Variants in SLC28A1 observed in about 807,000 individuals in gnomAD.
SLC28A1 encodes the protein sodium/nucleoside cotransporter 1.
Under a neutral mutation model 74.8 loss-of-function variants are expected in SLC28A1, and 64 were observed. That is an observed-to-expected ratio of 0.86 (90% confidence interval 0.70 to 1.05). SLC28A1 has a LOEUF of 1.05. Ranked by LOEUF, SLC28A1 falls within the 50% of genes least tolerant of loss-of-function variation. The probability of loss-of-function intolerance (pLI) is 0.00; values close to 1 mark genes in which losing one functional copy is unlikely to be tolerated. For synonymous variants in SLC28A1, 359 were observed against 335.0 expected, an observed-to-expected ratio of 1.07 and a Z score of -0.78; for missense variants, 828 against 822.8, an observed-to-expected ratio of 1.01 and a Z score of -0.08.
the SLC28A1 span, among the ~76,000 whole-genome samples, chr15:84,963,247 C>T: frequency 2.6e-5 from 4 of 152,196 alleles, no homozygotes; most frequent in African/African-American, 9.6e-5. Context: ...ACACCCCTTA[C>T]TCTCATGCTC....
At chr15:84,971,810 C>T in the SLC28A1 span, among the ~76,000 whole-genome samples, 8 of 152,084 alleles carry the variant, frequency 5.3e-5, no homozygotes, top group Non-Finnish European at 7.4e-5. Flanking sequence ...CCTCCATACC[C>T]GGCTAATTTT....
At chr15:84,903,661 A>G (rs1298505050) in intron 6 of SLC28A1, among the ~76,000 whole-genome samples, 2 of 152,142 alleles carry the variant, frequency 1.3e-5, no homozygotes, top group African/African-American at 4.8e-5. Flanking sequence ...GGCATTTTGC[A>G]GTCATGGCTG....
At chr15:84,888,201 T>C (rs1302247072) in intron 3 of SLC28A1, among the ~76,000 whole-genome samples, 4 of 149,508 alleles carry the variant, frequency 2.7e-5, no homozygotes, top group African/African-American at 9.9e-5. Context: ...GGGAGGGGGG[T>C]CTCTAAGGAA....
chr15:84,887,417 C>T (rs117178003), intron 2 of SLC28A1: 11,358 of 984,126 alleles, frequency 0.012, 80 homozygotes, highest in Non-Finnish European at 0.012. Flanking sequence ...GGGGTGGTGG[C>T]GCACGCCTGT....
At chr15:84,970,453 A>G in the SLC28A1 span, among the ~76,000 whole-genome samples, 1,594 of 152,296 alleles carry the variant, frequency 0.01, 26 homozygotes, top group African/African-American at 0.036. Flanking sequence ...TATACAGGAC[A>G]GGAAGAAAAG....
intron 13 of SLC28A1, 150 bp downstream of exon 13, chr15:84,933,425 T>G (rs1277330275): frequency 6.7e-6 from 6 of 902,134 alleles, no homozygotes; most frequent in Non-Finnish European, 8.6e-6. Flanking sequence ...CTTCATTTGC[T>G]GTCTTAGTCC....
At chr15:84,953,967 G>A in the SLC28A1 span, among the ~76,000 whole-genome samples, 4,286 of 152,228 alleles carry the variant, frequency 0.028, 318 homozygotes, top group Admixed American at 0.17. Flanking sequence ...TCTGCCTACC[G>A]CTGAGTTCCT....
chr15:84,960,217 G>GTGCC, the SLC28A1 span, among the ~76,000 whole-genome samples: 1 of 127,664 alleles, frequency 7.8e-6, no homozygotes, highest in East Asian at 2.4e-4. Flanking sequence ...CCACTCCCCT[G>GTGCC]TGCCTGCCTG....
chr15:84,924,897 A>ATTTTTTT (rs756910084), intron 12 of SLC28A1, among the ~76,000 whole-genome samples: 7 of 139,788 alleles, frequency 5.0e-5, no homozygotes, highest in South Asian at 2.4e-4. Context: ...TTTTTTATTA[A>ATTTTTTT]TTTTTTTTGT....
At chr15:84,905,459 C>G in intron 7 of SLC28A1, 80 bp from the exon 8 acceptor site, 1 of 962,344 alleles carries the variant, frequency 1.0e-6, no homozygotes, top group South Asian at 1.3e-5. Context: ...CAGGGCAATG[C>G]CCCCTGCTCT....
intron 6 of SLC28A1, 76 bp downstream of exon 6, chr15:84,895,199 AGG>A: frequency 6.3e-7 from 1 of 1,591,334 alleles, no homozygotes; most frequent in African/African-American, 1.3e-5. Flanking sequence ...GGTTATGGCC[AGG>A]GCTGGAGGAG....
chr15:84,944,585 G>A lies in SLC28A1; in HGVS notation c.1683G>A (p.Arg561=). Residue 561 remains arginine (R), a synonymous_variant, in exon 17 of 19, where the codon CGG becomes CGA. Transcript: ENST00000394573. ...TTGCAGCCTCCATGGTCCCCCAACG[G>A]AAGAGCGACTTCTCCCAGATAGTGC... ...LGGLTSMVPQ[R]KSDFSQIVLR... 1.2e-6 allele frequency: 2 copies of A among 1,613,876 alleles called. No individual in the cohort carries two copies. The highest frequency in any genetic ancestry group is 1.7e-6 in the Non-Finnish European group (2 of 1,179,734).
the SLC28A1 span, chr15:84,961,483 C>T: frequency 8.2e-5 from 37 of 453,378 alleles, no homozygotes; most frequent in African/African-American, 4.2e-4. Flanking sequence ...ATGTATGTGC[C>T]GTCACACCTG....
Position 84,916,357 on chromosome 15 carries a change from T to TG in SLC28A1, c.796-2167_796-2166insG, listed in dbSNP as rs755952257. Among the ~76,000 whole-genome samples, 5 of 151,498 alleles carry TG rather than the reference T, an allele frequency of 3.3e-5. No individual in the cohort carries two copies. The East Asian group carries it at 7.7e-4, about 23-fold the overall frequency. On this transcript the variant is annotated intron_variant, in intron 9 of 18. Transcript: ENST00000394573. Reference sequence around the variant, plus strand: ...CCTGGAATCCAGTAATCCTCCCACTTCAGCCTCCAGAGCAGTTGGAACCAC... The same window carrying TG: ...CCTGGAATCCAGTAATCCTCCCACTTGCAGCCTCCAGAGCAGTTGGAACCAC...
At chr15:84,938,844 G>T (rs921714734) in intron 15 of SLC28A1, among the ~76,000 whole-genome samples, 1 of 152,152 alleles carries the variant, frequency 6.6e-6, no homozygotes, top group African/African-American at 2.4e-5. Context: ...CTTGGAGAAC[G>T]GATGAGCTAG....
At chr15:84,970,391 C>G in the SLC28A1 span, among the ~76,000 whole-genome samples, 4 of 152,150 alleles carry the variant, frequency 2.6e-5, no homozygotes, top group Non-Finnish European at 5.9e-5. Context: ...AAAGGAGTGA[C>G]CACAGTTGGT....
intron 13 of SLC28A1, among the ~76,000 whole-genome samples, chr15:84,934,800 C>T (rs1311532996): frequency 6.6e-6 from 1 of 152,210 alleles, no homozygotes; most frequent in Non-Finnish European, 1.5e-5. Flanking sequence ...CAGACAGCCT[C>T]CTGTCATGTG....
chr15:84,948,585 A>G (rs1005126518), downstream of SLC28A1, among the ~76,000 whole-genome samples: 1 of 152,156 alleles, frequency 6.6e-6, no homozygotes, highest in African/African-American at 2.4e-5. Context: ...CGGTGGGGCT[A>G]TGGCTTGGAG....
chr15:84,888,903 G>A (rs1440994750), intron 4 of SLC28A1, 43 bp downstream of exon 4: 1 of 1,410,714 alleles, frequency 7.1e-7, no homozygotes. Context: ...TGGGGTGGAG[G>A]CTGCTTGGGA....
Sources: allele counts gnomAD v4.1 joint callset (sites outside exome capture counted in the v4.1 genomes callset), GRCh38; gene constraint gnomAD v4.1.1; transcripts MANE v1.5; gene names NCBI Gene and HGNC (gene_info 2026-07-23, HGNC 2026-07-21).